JAKMIP3: variants seen among roughly 807,000 people sequenced by gnomAD.
JAKMIP3 encodes the protein janus kinase and microtubule-interacting protein 3.
Under a neutral mutation model 118.5 loss-of-function variants are expected in JAKMIP3, and 58 were observed. That is an observed-to-expected ratio of 0.49 (90% CI 0.40 to 0.61). JAKMIP3 has a LOEUF of 0.61. JAKMIP3 is among the 20% of genes least tolerant of loss of function. JAKMIP3 has a pLI of 0.00. For synonymous variants in JAKMIP3, 486 were observed against 451.2 expected, an observed-to-expected ratio of 1.08 and a Z score of -0.98; for missense variants, 950 against 1,109.0, an observed-to-expected ratio of 0.86 and a Z score of 2.04.
chr10:132,141,847 G>A lies in JAKMIP3; in HGVS notation c.1474-73G>A, dbSNP rs1322412652. 5 of 1,523,800 alleles carry A rather than the reference G, an allele frequency of 3.3e-6. No individual in the cohort carries two copies. In the African/African-American group the frequency reaches 5.5e-5, roughly 17 times the overall value. 94.4% of individuals were successfully genotyped at this position (1,523,800 alleles called of 1,614,324 possible). Reference sequence around the variant, plus strand: ...ATCTGGGGAGAAGGGAAGCCCCGGGGCCCCGCCATCGGAGGAGGTGCTGGC... The same window carrying A: ...ATCTGGGGAGAAGGGAAGCCCCGGGACCCCGCCATCGGAGGAGGTGCTGGC... On this transcript the variant is annotated intron_variant, in intron 10 of 23. Coordinates refer to ENST00000684848, the MANE Select transcript of JAKMIP3 (RefSeq NM_001323087.2).
intron 6 of JAKMIP3, 146 bp downstream of exon 6, chr10:132,136,222 T>C (rs577542191): frequency 1.7e-5 from 14 of 840,694 alleles, no homozygotes; most frequent in Non-Finnish European, 2.4e-5. Flanking sequence ...CACGCATGTT[T>C]GAAGGGGAGC....
intron 2 of JAKMIP3, among the ~76,000 whole-genome samples, chr10:132,106,497 A>T (rs1304489856): frequency 6.6e-6 from 1 of 152,026 alleles, no homozygotes; most frequent in African/African-American, 2.4e-5. Context: ...TAGAATGGGG[A>T]TGAACACAGC....
At chr10:132,042,825 G>A (rs1373932729) in intron 1 of JAKMIP3, among the ~76,000 whole-genome samples, 1 of 151,972 alleles carries the variant, frequency 6.6e-6, no homozygotes, top group East Asian at 1.9e-4. Flanking sequence ...TACTTGGCTG[G>A]TCCTATAAAA....
intron 11 of JAKMIP3, among the ~76,000 whole-genome samples, chr10:132,142,484 G>C (rs1386361572): frequency 6.7e-6 from 1 of 148,314 alleles, no homozygotes; most frequent in Non-Finnish European, 1.5e-5. Context: ...GCCTGCCCCG[G>C]CCCCGGCCCC....
chr10:132,103,418 G>C lies in JAKMIP3; in HGVS notation c.-137-1254G>C, dbSNP rs12762662. On this transcript the variant is annotated intron_variant, in intron 1 of 23. Transcript: ENST00000684848. ...GAGGAGCACCTGGGGGAGAGGAGCAGCTGGAGGGGAGGAGCACCTGGGGGA... is the reference window on the plus strand; with the variant it reads ...GAGGAGCACCTGGGGGAGAGGAGCACCTGGAGGGGAGGAGCACCTGGGGGA... 7.3e-3 allele frequency among the ~76,000 whole-genome samples: 621 copies of C among 85,002 alleles called. 1 individual carries two copies. Among genetic ancestry groups the C allele is most frequent in the African/African-American group, 0.012 (185 of 14,890 alleles). The allele number at this position is 85,002 out of a possible 152,430, so 55.8% of individuals were successfully genotyped here. A position where few individuals can be genotyped will look rare whatever the true frequency, so the allele number is the denominator to read the frequency against.
intron 1 of JAKMIP3, among the ~76,000 whole-genome samples, chr10:132,101,024 A>C (rs576228208): frequency 1.6e-4 from 24 of 152,302 alleles, no homozygotes; most frequent in African/African-American, 5.3e-4. Flanking sequence ...TTGGTGCTGG[A>C]GAAAAATATC....
chr10:132,096,053 G>A (rs2043817844), intron 1 of JAKMIP3, among the ~76,000 whole-genome samples: 1 of 152,164 alleles, frequency 6.6e-6, no homozygotes, highest in East Asian at 1.9e-4. Context: ...TCTTCCTCTG[G>A]ATCCTGGTTT....
At chr10:132,147,729 T>C (rs1358272655) in intron 13 of JAKMIP3, among the ~76,000 whole-genome samples, 1 of 152,248 alleles carries the variant, frequency 6.6e-6, no homozygotes, top group Non-Finnish European at 1.5e-5. Context: ...GCTTGTGGTA[T>C]GCGGTGCTGC....
chr10:132,128,887 CTCA>C (rs565040228), intron 3 of JAKMIP3, among the ~76,000 whole-genome samples: 148 of 152,248 alleles, frequency 9.7e-4, no homozygotes, highest in African/African-American at 3.4e-3. Flanking sequence ...CTTCAATATC[CTCA>C]TCATCTCTGG....
chr10:132,135,860 C>T lies in JAKMIP3; in HGVS notation c.970-70C>T, dbSNP rs1483415586. On this transcript the variant is annotated intron_variant, in intron 5 of 23. Coordinates refer to ENST00000684848, the MANE Select transcript of JAKMIP3 (RefSeq NM_001323087.2). ...TGCAGCCCAAGCTGTGGTCAGTCAG[C>T]CGACTCTGCGTGGAGACCTGCTGGT... The T allele has an allele frequency of 2.7e-6, 4 of 1,509,148 alleles. No homozygotes were observed. In the Admixed American group the frequency reaches 6.1e-5, roughly 23 times the overall value. The allele number at this position is 1,509,148 out of a possible 1,614,324, so 93.5% of individuals were successfully genotyped here.
chr10:132,163,134 G>T, intron 19 of JAKMIP3, 75 bp from the exon 20 acceptor site: 1 of 1,393,322 alleles, frequency 7.2e-7, no homozygotes, highest in Non-Finnish European at 9.7e-7. Flanking sequence ...AGGGTGGCCC[G>T]GCCTCCGTTG....
At chr10:132,139,232 A>G (rs200860567) in intron 9 of JAKMIP3, among the ~76,000 whole-genome samples, 2 of 110,390 alleles carry the variant, frequency 1.8e-5, no homozygotes, top group African/African-American at 7.3e-5. Context: ...ATGTGAGTGT[A>G]TATGCATCTG....
chr10:132,143,216 AC>A (rs1401785124), intron 11 of JAKMIP3, among the ~76,000 whole-genome samples: 1 of 151,308 alleles, frequency 6.6e-6, no homozygotes, highest in African/African-American at 2.5e-5. Flanking sequence ...GTAACTGGGG[AC>A]TTTAAATATC....
intron 1 of JAKMIP3, among the ~76,000 whole-genome samples, chr10:132,041,866 T>A (rs1015626368): frequency 2.0e-5 from 3 of 151,772 alleles, no homozygotes; most frequent in African/African-American, 7.3e-5. Context: ...TTTTCTTTCT[T>A]TTCTTTTTTT....
At chr10:132,159,672 T>TA (rs2057723089) in intron 19 of JAKMIP3, among the ~76,000 whole-genome samples, 2 of 32,986 alleles carry the variant, frequency 6.1e-5, no homozygotes, top group African/African-American at 1.3e-4. Flanking sequence ...TGCTGGGGGG[T>TA]CCTCTCCCTA....
upstream of JAKMIP3, among the ~76,000 whole-genome samples, chr10:132,061,569 G>C (rs1776371936): frequency 1.3e-5 from 2 of 152,174 alleles, no homozygotes; most frequent in African/African-American, 2.4e-5. Flanking sequence ...TATATCACTA[G>C]AGGCACGTTG....
intron 16 of JAKMIP3, among the ~76,000 whole-genome samples, chr10:132,150,954 A>G (rs1456609611): frequency 2.0e-5 from 3 of 151,062 alleles, no homozygotes; most frequent in Admixed American, 1.3e-4. Flanking sequence ...TCCTCCATCT[A>G]TCTATCATCC....
chr10:132,151,297 C>CTCCA (rs987761028), intron 16 of JAKMIP3, among the ~76,000 whole-genome samples: 11 of 152,286 alleles, frequency 7.2e-5, no homozygotes, highest in African/African-American at 2.6e-4. Context: ...CATCCCCTCC[C>CTCCA]TCCATCCATC....
At chr10:132,160,137 G>T (rs2057920679) in intron 19 of JAKMIP3, among the ~76,000 whole-genome samples, 1 of 56,902 alleles carries the variant, frequency 1.8e-5, no homozygotes, top group Non-Finnish European at 3.8e-5. Context: ...ATGCTGGGGG[G>T]GGTCTCTTCC....
Sources: allele counts gnomAD v4.1 joint callset (sites outside exome capture counted in the v4.1 genomes callset), GRCh38; gene constraint gnomAD v4.1.1; transcripts MANE v1.5; gene names NCBI Gene and HGNC (gene_info 2026-07-23, HGNC 2026-07-21).